The following LYST variants were observed in gnomAD, a reference collection of about 807,000 sequenced individuals.
The protein encoded by LYST is lysosomal-trafficking regulator.
In LYST, 192 loss-of-function variants were observed where a neutral mutation model predicts 413.6. The ratio of observed to expected loss-of-function variants is 0.46; its 90% confidence interval spans 0.41 to 0.52. The LOEUF (loss-of-function observed/expected upper bound fraction) is 0.52. Ranked by LOEUF, LYST falls within the 20% of genes least tolerant of loss-of-function variation. LYST has a pLI of 0.00. For missense variants in LYST, 3,815 were observed against 4,499.9 expected (o/e 0.85, Z 4.35); for synonymous variants, 1,525 against 1,567.3 (o/e 0.97, Z 0.64).
chr1:235,806,149 A>G lies in LYST; in HGVS notation c.2987T>C (p.Met996Thr). 6.2e-7 allele frequency: 1 copy of G among 1,613,788 alleles called. No homozygotes were observed. The highest frequency in any genetic ancestry group is 1.1e-5 in the South Asian group (1 of 91,076). The part of the protein sequence containing the change: ...GFRVCHKLIF[M>T]IIQKLFRSHK... ...ACTTCTGAACAGTTTCTGTATTATC[A>G]TAAATATTAACTTATGGCATACTCG... Residue 996 changes from methionine to threonine, a missense_variant, in exon 6 of 53, where the codon ATG becomes ACG. Transcript: ENST00000389793.
chr1:235,731,486 C>T (rs1664371153), intron 34 of LYST, among the ~76,000 whole-genome samples: 1 of 151,500 alleles, frequency 6.6e-6, no homozygotes, highest in African/African-American at 2.4e-5. Flanking sequence ...CAACATAATA[C>T]AACATGCTGG....
rs778214470 is a variant in LYST, at chr1:235,830,292, A to G, written c.126T>C (p.Leu42=). The change falls in exon 3 of 53, where the codon CTT becomes CTC. Residue 42 remains leucine (L), a synonymous_variant. Transcript: ENST00000389793. The part of the protein sequence containing the change: ...EEEEETHMAT[L]GQYLVHGRGF... ...CTCGACCATGGACAAGGTACTGTCCAAGGGTTGCCATGTGCGTCTCCTCCT... is the reference window on the plus strand; with the variant it reads ...CTCGACCATGGACAAGGTACTGTCCGAGGGTTGCCATGTGCGTCTCCTCCT... The G allele has an allele frequency of 9.9e-6, 16 of 1,613,992 alleles. No homozygotes were observed. Among genetic ancestry groups the G allele is most frequent in the South Asian group, 5.5e-5 (5 of 91,090 alleles).
intron 30 of LYST, among the ~76,000 whole-genome samples, chr1:235,743,236 A>G (rs909955067): frequency 1.3e-5 from 2 of 152,132 alleles, no homozygotes; most frequent in Non-Finnish European, 2.9e-5. Context: ...ATCTGGTTCA[A>G]AACTGGAAGC....
chr1:235,868,884 A>G (rs1680788821), upstream of LYST, among the ~76,000 whole-genome samples: 1 of 151,970 alleles, frequency 6.6e-6, no homozygotes, highest in Non-Finnish European at 1.5e-5. Context: ...TAGTAGAGAC[A>G]GAGTTTCATC....
intron 1 of LYST, among the ~76,000 whole-genome samples, chr1:235,857,118 TG>T (rs1212471033): frequency 2.0e-5 from 3 of 152,086 alleles, no homozygotes. Flanking sequence ...GCTAATTTTT[TG>T]TATTTTTAGT....
chr1:235,780,850 A>G lies in LYST; in HGVS notation c.5214+15T>C. ...CATTTACTATAAAATTAAAATTTAT[A>G]AAATTAAAACTTACAATTAAGAGAC... On this transcript the variant is annotated intron_variant, in intron 16 of 52. Coordinates refer to ENST00000389793, the MANE Select transcript of LYST (RefSeq NM_000081.4). 1 of 1,178,106 alleles carries G rather than the reference A, an allele frequency of 8.5e-7. No homozygotes were observed. Among genetic ancestry groups the G allele is most frequent in the South Asian group, 1.7e-5 (1 of 59,242 alleles). 73.0% of individuals were successfully genotyped at this position (1,178,106 alleles called of 1,614,324 possible).
intron 24 of LYST, 70 bp downstream of exon 24, chr1:235,757,211 C>G (rs1667125524): frequency 9.6e-7 from 1 of 1,038,802 alleles, no homozygotes; most frequent in Non-Finnish European, 1.4e-6. Flanking sequence ...AATGTATATA[C>G]TCAAAATTTT....
chr1:235,693,236 G>GA (rs1308729029), intron 47 of LYST, 114 bp downstream of exon 47: 97 of 592,590 alleles, frequency 1.6e-4, no homozygotes, highest in South Asian at 6.7e-4. Context: ...AGAATGGCGT[G>GA]AGCCGGGAGG....
chr1:235,793,733 G>T, intron 10 of LYST, 121 bp from the exon 11 acceptor site: 1 of 536,184 alleles, frequency 1.9e-6, no homozygotes, highest in Non-Finnish European at 3.4e-6. Flanking sequence ...AAAAAATCTA[G>T]TATAGGAATC....
chr1:235,751,460 A>C, intron 27 of LYST, 98 bp from the exon 28 acceptor site: 5 of 1,099,836 alleles, frequency 4.5e-6, no homozygotes. Context: ...TTTTGATATA[A>C]ATTTTTAAAT....
chr1:235,858,386 TTATTAA>T (rs57825244), intron 1 of LYST, among the ~76,000 whole-genome samples: 45,099 of 151,736 alleles, frequency 0.3, 8,698 homozygotes, highest in East Asian at 0.8. Context: ...ATAGTAGTTT[TTATTAA>T]TATTAATATT....
intron 1 of LYST, among the ~76,000 whole-genome samples, chr1:235,850,677 A>G (rs539216723): frequency 6.6e-6 from 1 of 152,202 alleles, no homozygotes; most frequent in African/African-American, 2.4e-5. Flanking sequence ...CAAACAAATC[A>G]GTAGGAAAAA....
chr1:235,801,688 C>A (rs1398010977), intron 8 of LYST, among the ~76,000 whole-genome samples: 4 of 152,024 alleles, frequency 2.6e-5, no homozygotes, highest in Non-Finnish European at 5.9e-5. Context: ...ATCTACTTAG[C>A]AAACATAAAA....
intron 22 of LYST, among the ~76,000 whole-genome samples, chr1:235,760,477 A>G (rs2103359345): frequency 1.3e-5 from 2 of 152,290 alleles, no homozygotes; most frequent in South Asian, 4.1e-4. Flanking sequence ...CTAATATTCT[A>G]TGCAGGAAGA....
chr1:235,743,905 G>T, intron 30 of LYST, 74 bp downstream of exon 30: 8 of 862,526 alleles, frequency 9.3e-6, no homozygotes, highest in Non-Finnish European at 1.2e-5. Context: ...TTTTGAAAAC[G>T]TATAATACAG....
At chr1:235,752,986 GT>G (rs1188229187) in intron 26 of LYST, 57 bp downstream of exon 26, 1 of 962,294 alleles carries the variant, frequency 1.0e-6, no homozygotes, top group African/African-American at 1.6e-5. Context: ...TAATACTAAA[GT>G]TTTCCTGTTC....
chr1:235,700,801 C>T (rs749060806), intron 45 of LYST, among the ~76,000 whole-genome samples: 3 of 152,076 alleles, frequency 2.0e-5, no homozygotes, highest in Non-Finnish European at 4.4e-5. Context: ...TATTATATGC[C>T]CAGGACCTTC....
chr1:235,758,678 G>A (rs967009365), intron 23 of LYST, among the ~76,000 whole-genome samples: 3 of 152,046 alleles, frequency 2.0e-5, no homozygotes, highest in Admixed American at 6.6e-5. Context: ...AAATCCTATC[G>A]TTTCTCTGTC....
intron 10 of LYST, among the ~76,000 whole-genome samples, chr1:235,798,387 A>T (rs1428645907): frequency 1.3e-5 from 2 of 151,684 alleles, no homozygotes; most frequent in African/African-American, 4.8e-5. Flanking sequence ...GAAAACTGGC[A>T]GGGAGGGGTG....
Sources: gnomAD v4.1 joint callset for allele counts (sites outside exome capture counted in the v4.1 genomes callset) on GRCh38, gnomAD v4.1.1 for gene constraint, MANE v1.5 for transcripts, NCBI Gene and HGNC (gene_info 2026-07-23, HGNC 2026-07-21) for gene names.